Variants in EPM2A observed in about 807,000 individuals in gnomAD.
EPM2A encodes EPM2A glucan phosphatase, laforin.
A neutral mutation model predicts 26.5 loss-of-function variants in EPM2A; 21 were observed. The ratio of observed to expected loss-of-function variants is 0.79; its 90% CI spans 0.56 to 1.14. The LOEUF is 1.14. Ranked by LOEUF, EPM2A falls within the 50% of genes most tolerant of loss-of-function variation. The pLI is 0.00. For synonymous variants in EPM2A, 217 were observed against 177.6 expected (o/e 1.22, Z -1.76); for missense variants, 458 against 440.8 (o/e 1.04, Z -0.35).
At chr6:145,666,706 G>C (rs1317027347) in intron 2 of EPM2A, among the ~76,000 whole-genome samples, 3 of 144,234 alleles carry the variant, frequency 2.1e-5, no homozygotes, top group Non-Finnish European at 1.5e-5. Flanking sequence ...GCATCGCCAA[G>C]TCAATCCTAA....
chr6:145,550,912 G>T (rs1195611270), intron 2 of EPM2A, among the ~76,000 whole-genome samples: 3 of 151,976 alleles, frequency 2.0e-5, no homozygotes, highest in Non-Finnish European at 4.4e-5. Flanking sequence ...CAACAGTAGG[G>T]TATTAGTAGT....
At chr6:145,457,877 G>C (rs1212612964) in intron 4 of EPM2A, among the ~76,000 whole-genome samples, 2 of 152,160 alleles carry the variant, frequency 1.3e-5, no homozygotes, top group Non-Finnish European at 2.9e-5. Flanking sequence ...GAATTATTAA[G>C]ATCTATTCAA....
chr6:145,675,058 G>C (rs560200355), intron 2 of EPM2A, among the ~76,000 whole-genome samples: 11 of 152,268 alleles, frequency 7.2e-5, no homozygotes, highest in African/African-American at 2.6e-4. Context: ...ACCCACAAAA[G>C]GAAACCCATC....
chr6:145,707,684 G>A (rs767585921), intron 1 of EPM2A, among the ~76,000 whole-genome samples: 48 of 152,252 alleles, frequency 3.2e-4, no homozygotes, highest in African/African-American at 5.8e-4. Context: ...ATTGTGAGGC[G>A]TCCTCAGCCA....
At chr6:145,678,695 A>G (rs1193352848) in intron 2 of EPM2A, among the ~76,000 whole-genome samples, 1 of 152,204 alleles carries the variant, frequency 6.6e-6, no homozygotes, top group Non-Finnish European at 1.5e-5. Context: ...CAAAACCACA[A>G]TGAGATACCA....
At chr6:145,473,938 A>C (rs918765177) in intron 4 of EPM2A, among the ~76,000 whole-genome samples, 1 of 152,186 alleles carries the variant, frequency 6.6e-6, no homozygotes, top group Non-Finnish European at 1.5e-5. Flanking sequence ...TTAGAAAGAA[A>C]AGGACATTAA....
At chr6:145,436,550 T>C (rs1399673549) in intron 4 of EPM2A, among the ~76,000 whole-genome samples, 4 of 152,170 alleles carry the variant, frequency 2.6e-5, no homozygotes, top group Non-Finnish European at 5.9e-5. Flanking sequence ...GGGTGTCGAG[T>C]GCCATCTCTT....
chr6:145,616,716 A>G (rs1169346458), intron 2 of EPM2A, among the ~76,000 whole-genome samples: 1 of 152,246 alleles, frequency 6.6e-6, no homozygotes, highest in African/African-American at 2.4e-5. Context: ...CGTGACCTGG[A>G]CATGAGACAT....
chr6:145,579,214 T>C (rs1372039360), intron 2 of EPM2A, among the ~76,000 whole-genome samples: 1 of 152,282 alleles, frequency 6.6e-6, no homozygotes, highest in Non-Finnish European at 1.5e-5. Context: ...TCTGTACTCT[T>C]GGCTGATTAG....
intron 4 of EPM2A, among the ~76,000 whole-genome samples, chr6:145,436,623 G>GT (rs1778992927): frequency 1.3e-5 from 2 of 151,896 alleles, no homozygotes; most frequent in African/African-American, 2.4e-5. Context: ...GTGTTTATTG[G>GT]CTGTTGGTAT....
At chr6:145,445,068 G>A (rs1779113632) in intron 4 of EPM2A, among the ~76,000 whole-genome samples, 1 of 152,016 alleles carries the variant, frequency 6.6e-6, no homozygotes, top group South Asian at 2.1e-4. Flanking sequence ...TGTATATTAG[G>A]TCACACCTCA....
At chr6:145,642,044 T>C (rs1386630733) in intron 2 of EPM2A, among the ~76,000 whole-genome samples, 3 of 152,160 alleles carry the variant, frequency 2.0e-5, no homozygotes, top group Non-Finnish European at 4.4e-5. Flanking sequence ...TGAGCATATA[T>C]AGCCCTGAAA....
chr6:145,440,117 A>C (rs940451789), intron 4 of EPM2A, among the ~76,000 whole-genome samples: 1 of 152,196 alleles, frequency 6.6e-6, no homozygotes, highest in Non-Finnish European at 1.5e-5. Flanking sequence ...CATACCTGAG[A>C]CTGAAAAGAA....
chr6:145,520,173 T>C (rs1472618115), intron 2 of EPM2A, among the ~76,000 whole-genome samples: 2 of 152,204 alleles, frequency 1.3e-5, no homozygotes, highest in Non-Finnish European at 2.9e-5. Context: ...TCTCCAATTA[T>C]GTTTTCCTAC....
chr6:145,479,249 T>C lies in EPM2A; in HGVS notation c.555+23273A>G, dbSNP rs965250843. Among the ~76,000 whole-genome samples, 9 of 147,580 alleles carry C rather than the reference T, an allele frequency of 6.1e-5. 1 individual carries two copies. Among genetic ancestry groups the C allele is most frequent in the Non-Finnish European group, 1.3e-4 (9 of 66,986 alleles). ...TAAAATATATATATATAAAATAAAA[T>C]TAGCCAATTAGCCATTTTAACTATA... On this transcript the variant is annotated intron_variant, in intron 4 of 4. Coordinates refer to the EPM2A transcript ENST00000638717.
intron 2 of EPM2A, among the ~76,000 whole-genome samples, chr6:145,667,637 C>G (rs879647876): frequency 0.011 from 1,638 of 150,422 alleles, 13 homozygotes; most frequent in Admixed American, 0.018. Context: ...CTAGAAATAC[C>G]ATTTGACCCA....
chr6:145,462,299 G>C (rs1779336648), intron 4 of EPM2A, among the ~76,000 whole-genome samples: 1 of 152,142 alleles, frequency 6.6e-6, no homozygotes, highest in Non-Finnish European at 1.5e-5. Flanking sequence ...GCGTGTGTTT[G>C]CATGTTGCAG....
intron 1 of EPM2A, among the ~76,000 whole-genome samples, chr6:145,700,443 C>A (rs1414478778): frequency 6.6e-6 from 1 of 151,918 alleles, no homozygotes; most frequent in African/African-American, 2.4e-5. Flanking sequence ...AAATCCAAGT[C>A]ATATGTTAAA....
intron 2 of EPM2A, among the ~76,000 whole-genome samples, chr6:145,535,160 TG>T (rs1780414061): frequency 6.6e-6 from 1 of 152,194 alleles, no homozygotes; most frequent in Non-Finnish European, 1.5e-5. Flanking sequence ...GCCGCACCCT[TG>T]GATCATGAGA....
Sources: allele counts gnomAD v4.1 joint callset (sites outside exome capture counted in the v4.1 genomes callset), GRCh38; gene constraint gnomAD v4.1.1; transcripts MANE v1.5; gene names NCBI Gene and HGNC (gene_info 2026-07-23, HGNC 2026-07-21).